LRBA: variants seen among roughly 807,000 people sequenced by gnomAD.
The protein encoded by LRBA is LPS responsive beige-like anchor protein, also known as lipopolysaccharide-responsive and beige-like anchor protein.
A neutral mutation model predicts 330.0 loss-of-function variants in LRBA; 176 were observed. The observed-to-expected ratio is 0.53, with a 90% CI of 0.47 to 0.60. The LOEUF is 0.60. Among genes scored for constraint, LRBA ranks in the 20% least tolerant of loss-of-function variants. LRBA has a pLI of 0.00. For missense variants in LRBA, 3,259 were observed against 3,444.8 expected (o/e 0.95, Z 1.35); for synonymous variants, 1,230 against 1,193.0 (o/e 1.03, Z -0.64).
chr4:150,637,763 A>G (rs568496272), intron 37 of LRBA, among the ~76,000 whole-genome samples: 1 of 152,282 alleles, frequency 6.6e-6, no homozygotes, highest in Admixed American at 6.5e-5. Flanking sequence ...GCCTGCGGAC[A>G]CCTTGACTAA....
At position 150,722,537 on chromosome 4, in the gene LRBA, A is replaced by G. The variant is rs111226722; in HGVS notation, c.5754+12721T>C. ...AAATATAACTAAAAATTAGGAGGTG[A>G]GGGGAGAGAAAATAAAAGGAACATA... On this transcript the variant is annotated intron_variant, in intron 36 of 56. Transcript: ENST00000651943. 1.2e-3 allele frequency among the ~76,000 whole-genome samples: 183 copies of G among 152,190 alleles called. 4 individuals carry two copies. Among genetic ancestry groups the G allele is most frequent in the African/African-American group, 4.3e-3 (178 of 41,524 alleles).
intron 17 of LRBA, among the ~76,000 whole-genome samples, chr4:150,886,017 A>G (rs1728905177): frequency 6.6e-6 from 1 of 152,212 alleles, no homozygotes; most frequent in Non-Finnish European, 1.5e-5. Context: ...GAAGAAAACT[A>G]AAATCAACAG....
At chr4:150,649,214 A>T (rs757347168) in intron 37 of LRBA, among the ~76,000 whole-genome samples, 6 of 152,168 alleles carry the variant, frequency 3.9e-5, no homozygotes, top group Non-Finnish European at 8.8e-5. Flanking sequence ...GATCTTCCTG[A>T]AACATAGTTC....
intron 37 of LRBA, among the ~76,000 whole-genome samples, chr4:150,618,859 T>C (rs1295801756): frequency 6.7e-6 from 1 of 150,322 alleles, no homozygotes; most frequent in Admixed American, 6.7e-5. Flanking sequence ...TATATATATA[T>C]ATATATATAT....
chr4:150,835,103 T>C (rs1466181113), intron 28 of LRBA, among the ~76,000 whole-genome samples: 6 of 152,178 alleles, frequency 3.9e-5, no homozygotes, highest in Non-Finnish European at 7.3e-5. Context: ...TTGTCGAAGA[T>C]CAGATAGTTG....
intron 37 of LRBA, among the ~76,000 whole-genome samples, chr4:150,638,997 T>C (rs1236950007): frequency 5.7e-5 from 5 of 87,892 alleles, no homozygotes; most frequent in Non-Finnish European, 8.8e-5. Flanking sequence ...ATGTGGCACA[T>C]ATACACCATG....
chr4:150,789,859 T>A (rs527755067), intron 34 of LRBA, among the ~76,000 whole-genome samples: 1 of 152,288 alleles, frequency 6.6e-6, no homozygotes, highest in Non-Finnish European at 1.5e-5. Context: ...TTCTTTTTTT[T>A]TATACTTCAA....
chr4:150,715,592 A>G (rs1728081718), intron 36 of LRBA, among the ~76,000 whole-genome samples: 1 of 152,224 alleles, frequency 6.6e-6, no homozygotes, highest in Non-Finnish European at 1.5e-5. Flanking sequence ...AAAATACCAC[A>G]TCAGGTTGCC....
chr4:150,952,027 A>G (rs1736888441), intron 2 of LRBA, among the ~76,000 whole-genome samples: 1 of 152,212 alleles, frequency 6.6e-6, no homozygotes, highest in Admixed American at 6.5e-5. Flanking sequence ...CTGTTTGCAA[A>G]TGTATCTTCC....
At chr4:150,682,447 C>A (rs1377314263) in intron 37 of LRBA, among the ~76,000 whole-genome samples, 1 of 152,106 alleles carries the variant, frequency 6.6e-6, no homozygotes, top group African/African-American at 2.4e-5. Context: ...ATCTCAAGAC[C>A]TTGACTTGCC....
chr4:150,917,450 A>T (rs1048785610), intron 5 of LRBA, among the ~76,000 whole-genome samples: 2 of 152,186 alleles, frequency 1.3e-5, no homozygotes, highest in African/African-American at 4.8e-5. Flanking sequence ...AAGAGAGAAG[A>T]GAAAAACTGG....
intron 37 of LRBA, among the ~76,000 whole-genome samples, chr4:150,682,115 T>C (rs1783105590): frequency 6.6e-6 from 1 of 152,184 alleles, no homozygotes; most frequent in Non-Finnish European, 1.5e-5. Context: ...AGAATAACTT[T>C]TTAAAAAGAT....
chr4:150,963,425 G>A (rs1335882188), intron 2 of LRBA, among the ~76,000 whole-genome samples: 1 of 149,622 alleles, frequency 6.7e-6, no homozygotes, highest in African/African-American at 2.6e-5. Flanking sequence ...GACTGCGAGT[G>A]GTCTGCCGGC....
chr4:150,487,825 A>G lies in LRBA; in HGVS notation c.6458T>C (p.Met2153Thr). ...TGTTGCAGGGTCTGGGAAGTTGAACATCACAGCAACTACAACAGATGATTT... is the reference window on the plus strand; with the variant it reads ...TGTTGCAGGGTCTGGGAAGTTGAACGTCACAGCAACTACAACAGATGATTT... ...EIFMANRVAV[M>T]FNFPDPATVK... Residue 2153 changes from methionine (M) to threonine (T), a missense_variant, in exon 42 of 57, where the codon ATG (methionine) becomes ACG (threonine). Met to Thr is a moderately conservative substitution (Grantham distance 81). Coordinates refer to ENST00000651943, the MANE Select transcript of LRBA (RefSeq NM_001364905.1). The G allele has an allele frequency of 6.3e-7, 1 of 1,580,396 alleles. No homozygotes were observed. The highest frequency in any genetic ancestry group is 8.7e-7 in the Non-Finnish European group (1 of 1,154,510).
At chr4:150,477,935 CT>C (rs1332534822) in intron 42 of LRBA, among the ~76,000 whole-genome samples, 1 of 152,030 alleles carries the variant, frequency 6.6e-6, no homozygotes, top group Non-Finnish European at 1.5e-5. Flanking sequence ...TCAGGTATTT[CT>C]TTATAGAGGT....
intron 36 of LRBA, among the ~76,000 whole-genome samples, chr4:150,716,638 GATCA>G (rs1458377549): frequency 6.6e-6 from 1 of 151,618 alleles, no homozygotes. Flanking sequence ...TTTAAAAATC[GATCA>G]ATGAGGAGAA....
At chr4:150,735,104 C>T (rs555458999) in intron 36 of LRBA, among the ~76,000 whole-genome samples, 154 bp downstream of exon 36, 65 of 152,264 alleles carry the variant, frequency 4.3e-4, no homozygotes, top group African/African-American at 1.5e-3. Context: ...TGTACTATCT[C>T]CCAGAACCCC....
chr4:150,930,314 C>A (rs1172537608), intron 2 of LRBA, among the ~76,000 whole-genome samples: 84 of 142,518 alleles, frequency 5.9e-4, no homozygotes, highest in Middle Eastern at 3.6e-3. Context: ...GACTCCGTCT[C>A]AAAAAAAAAA....
At chr4:150,567,811 C>T (rs1769326212) in intron 40 of LRBA, among the ~76,000 whole-genome samples, 1 of 152,124 alleles carries the variant, frequency 6.6e-6, no homozygotes. Flanking sequence ...AAATTTATCA[C>T]TCTATAAGGA....
Sources: gnomAD v4.1 joint callset for allele counts (sites outside exome capture counted in the v4.1 genomes callset) on GRCh38, gnomAD v4.1.1 for gene constraint, MANE v1.5 for transcripts, NCBI Gene and HGNC (gene_info 2026-07-23, HGNC 2026-07-21) for gene names.